The following SORT1 variants were observed in gnomAD, a reference collection of about 807,000 sequenced individuals.
SORT1 encodes the protein sortilin.
SORT1 carries 39 observed loss-of-function variants against 101.7 expected under a neutral mutation model. The ratio of observed to expected loss-of-function variants is 0.38; its 90% confidence interval spans 0.30 to 0.50. The LOEUF is 0.50. Ranked by LOEUF, SORT1 falls within the 20% of genes least tolerant of loss-of-function variation. The pLI is 0.90. For synonymous variants in SORT1, 396 were observed against 393.7 expected (o/e 1.01, Z -0.07); for missense variants, 878 against 1,040.4 (o/e 0.84, Z 2.15).
intron 7 of SORT1, 86 bp from the exon 8 acceptor site, chr1:109,345,967 A>G: frequency 8.6e-7 from 1 of 1,160,640 alleles, no homozygotes; most frequent in Non-Finnish European, 1.3e-6. Flanking sequence ...TCTTAATTTT[A>G]TAGCTAAAGC....
chr1:109,375,508 C>T (rs1409338570), intron 1 of SORT1, among the ~76,000 whole-genome samples: 1 of 123,328 alleles, frequency 8.1e-6, no homozygotes, highest in African/African-American at 3.1e-5. Context: ...CGCGCCACTG[C>T]ACTCCAGCCT....
At position 109,313,701 on chromosome 1, in the gene SORT1, G is replaced by C. The variant is rs1271832119; in HGVS notation, c.*342C>G. The C allele has an allele frequency of 8.9e-6, 3 of 335,834 alleles. No homozygotes were observed. Among genetic ancestry groups the C allele is most frequent in the Non-Finnish European group, 1.7e-5 (3 of 181,150 alleles). 20.8% of individuals were successfully genotyped at this position (335,834 alleles called of 1,614,324 possible). On this transcript the variant is annotated 3_prime_UTR_variant, in exon 20 of 20. Coordinates refer to ENST00000256637, the MANE Select transcript of SORT1 (RefSeq NM_002959.7). ...GGGCAGGCGCCATGCAGAACACACAGAAGTGGGGTTAGTGAAAAGGTCCCT... is the reference window on the plus strand; with the variant it reads ...GGGCAGGCGCCATGCAGAACACACACAAGTGGGGTTAGTGAAAAGGTCCCT...
Position 109,338,778 on chromosome 1 carries a change from G to T in SORT1, c.1264+1946C>A, listed in dbSNP as rs548672131. 2.6e-4 allele frequency among the ~76,000 whole-genome samples: 40 copies of T among 152,088 alleles called. No individual in the cohort carries two copies. The South Asian group carries it at 8.1e-3, about 31-fold the overall frequency. On this transcript the variant is annotated intron_variant, in intron 10 of 19. Transcript: ENST00000256637. ...AAAATAGGGAGCCTGAATTTGCATG[G>T]GTTTGGTCTGTCCCTGCTGGACTGT... is the stretch of plus-strand genomic sequence containing the variant.
chr1:109,360,455 C>T (rs1274843261), intron 3 of SORT1, among the ~76,000 whole-genome samples: 1 of 152,064 alleles, frequency 6.6e-6, no homozygotes, highest in African/African-American at 2.4e-5. Context: ...GCCTTAGCCT[C>T]CCAAGTAGCT....
intron 1 of SORT1, among the ~76,000 whole-genome samples, chr1:109,382,061 T>TTAA (rs570267818): frequency 2.7e-5 from 4 of 147,056 alleles, no homozygotes; most frequent in African/African-American, 1.0e-4. Context: ...TATTTTTACT[T>TTAA]AAAAAAAAAA....
intron 11 of SORT1, among the ~76,000 whole-genome samples, chr1:109,328,580 T>C (rs1349499384): frequency 1.3e-5 from 2 of 152,210 alleles, no homozygotes; most frequent in Non-Finnish European, 2.9e-5. Context: ...GGCTATTTGT[T>C]TGTTGTTGAG....
intron 11 of SORT1, among the ~76,000 whole-genome samples, chr1:109,331,491 A>C (rs1440835062): frequency 6.6e-6 from 1 of 152,208 alleles, no homozygotes; most frequent in Non-Finnish European, 1.5e-5. Flanking sequence ...ATTCATGATA[A>C]AAACTCTCAA....
chr1:109,324,793 T>C (rs1647877305), intron 14 of SORT1, 106 bp downstream of exon 14: 1 of 714,356 alleles, frequency 1.4e-6, no homozygotes, highest in Non-Finnish European at 2.3e-6. Context: ...CTCTTTCATA[T>C]GCATATGCAT....
Position 109,327,597 on chromosome 1 carries a change from C to G in SORT1, c.1376G>C (p.Ser459Thr). Reference sequence around the variant, plus strand: ...GCTGTAGGAAGCATGAATATGAAGGCTGCACTGTGAAAAGAAACAAAAGCG... The same window carrying G: ...GCTGTAGGAAGCATGAATATGAAGGGTGCACTGTGAAAAGAAACAAAAGCG... ...DATAKNKNEC[S>T]LHIHASYSIS... The change falls in exon 12 of 20, where the codon AGC becomes ACC. Residue 459 changes from serine (S) to threonine (T), a missense_variant. Around this residue, in one of 2 missense-constraint regions of SORT1, gnomAD observed 684 missense variants for 894.5 expected, o/e 0.76. Coordinates refer to ENST00000256637, the MANE Select transcript of SORT1 (RefSeq NM_002959.7). The G allele has an allele frequency of 2.5e-6, 4 of 1,579,708 alleles. No individual in the cohort carries two copies. Among genetic ancestry groups the G allele is most frequent in the Non-Finnish European group, 3.4e-6 (4 of 1,164,174 alleles).
At chr1:109,386,983 A>T (rs1044378181) in intron 1 of SORT1, among the ~76,000 whole-genome samples, 7 of 152,290 alleles carry the variant, frequency 4.6e-5, no homozygotes, top group Middle Eastern at 6.8e-3. Flanking sequence ...AATTGTTATT[A>T]AATTATAGTC....
intron 11 of SORT1, among the ~76,000 whole-genome samples, chr1:109,329,103 A>G (rs768974507): frequency 1.3e-5 from 2 of 152,158 alleles, no homozygotes; most frequent in African/African-American, 2.4e-5. Context: ...TGCCCCCCCA[A>G]GAATCTCTGG....
chr1:109,362,801 TA>T (rs113027353), intron 3 of SORT1, among the ~76,000 whole-genome samples: 327 of 142,482 alleles, frequency 2.3e-3, no homozygotes, highest in Admixed American at 2.5e-3. Flanking sequence ...ACTTTTTCTT[TA>T]AAAAAAAAAA....
intron 4 of SORT1, among the ~76,000 whole-genome samples, chr1:109,354,840 A>T (rs925801718): frequency 6.6e-6 from 1 of 152,208 alleles, no homozygotes; most frequent in East Asian, 1.9e-4. Context: ...CAACTGCTGC[A>T]TAATTATTAA....
At chr1:109,319,586 G>A (rs574317797) in intron 15 of SORT1, among the ~76,000 whole-genome samples, 1 of 152,208 alleles carries the variant, frequency 6.6e-6, no homozygotes, top group East Asian at 1.9e-4. Context: ...AAGTGTCTGG[G>A]CCGGGCGTGG....
In SORT1 at chr1:109,329,100, C is replaced by CT. The variant is rs548922603; in HGVS notation, c.1372-1500_1372-1499insA. Among the ~76,000 whole-genome samples the CT allele has an allele frequency of 7.2e-5, 11 of 152,304 alleles. No homozygotes were observed. In the South Asian group the frequency reaches 2.3e-3, roughly 32 times the overall value. Reference sequence around the variant, plus strand: ...CCTGCAGAACCTGTCAGTTGCCCCCCCAAGAATCTCTGGATGAGCTACCTG... The same window carrying CT: ...CCTGCAGAACCTGTCAGTTGCCCCCCTCAAGAATCTCTGGATGAGCTACCTG... On this transcript the variant is annotated intron_variant, in intron 11 of 19. Transcript: ENST00000256637.
chr1:109,323,457 C>T (rs1647777469), intron 14 of SORT1, among the ~76,000 whole-genome samples: 1 of 152,236 alleles, frequency 6.6e-6, no homozygotes. Flanking sequence ...CCTACGCCCT[C>T]AGTCAGTAGG....
chr1:109,333,990 C>A (rs1042018367), intron 11 of SORT1, among the ~76,000 whole-genome samples: 5 of 151,922 alleles, frequency 3.3e-5, no homozygotes, highest in African/African-American at 1.2e-4. Flanking sequence ...ACTAAAGACA[C>A]AAAAAATTAG....
intron 7 of SORT1, among the ~76,000 whole-genome samples, chr1:109,346,702 G>A (rs1036530480): frequency 2.3e-5 from 3 of 133,302 alleles, no homozygotes; most frequent in Non-Finnish European, 4.6e-5. Context: ...CGGAGATGGC[G>A]CCACTGCACT....
chr1:109,349,219 CCTGT>C (rs1649810179), intron 6 of SORT1, among the ~76,000 whole-genome samples: 1 of 152,020 alleles, frequency 6.6e-6, no homozygotes, highest in Non-Finnish European at 1.5e-5. Context: ...GTGGCACATG[CCTGT>C]AATCCCAGCT....
Sources: allele counts gnomAD v4.1 joint callset (sites outside exome capture counted in the v4.1 genomes callset), GRCh38; gene constraint gnomAD v4.1.1; regional missense constraint gnomAD v4.1.1; transcripts MANE v1.5; gene names NCBI Gene and HGNC (gene_info 2026-07-23, HGNC 2026-07-21).